The following SLFN5 variants were observed in gnomAD, a reference collection of about 807,000 sequenced individuals.
SLFN5 encodes schlafen family member 5.
Under a neutral mutation model 48.5 loss-of-function variants are expected in SLFN5, and 34 were observed. The observed-to-expected ratio is 0.70, with a 90% CI of 0.53 to 0.93. The LOEUF (loss-of-function observed/expected upper bound fraction) is 0.93, where lower values mean the gene tolerates loss of function less well. SLFN5 is among the 40% of genes least tolerant of loss of function. The probability of loss-of-function intolerance (pLI) is 0.00; values close to 1 mark genes in which losing one functional copy is unlikely to be tolerated. For synonymous variants in SLFN5, 387 were observed against 396.2 expected (o/e 0.98, Z 0.28); for missense variants, 1,006 against 1,071.3 (o/e 0.94, Z 0.85).
chr17:35,261,651 GAGCCACCACGCCA>G (rs1904522643), intron 3 of SLFN5, among the ~76,000 whole-genome samples: 1 of 150,450 alleles, frequency 6.6e-6, no homozygotes, highest in Non-Finnish European at 1.5e-5. Flanking sequence ...TTACAGGCAT[GAGCCACCACGCCA>G]AGCCACCAGT....
At position 35,265,437 on chromosome 17, in the gene SLFN5, T is replaced by A; in HGVS notation, c.2225T>A (p.Leu742Gln). The A allele has an allele frequency of 6.2e-7, 1 of 1,614,234 alleles. No homozygotes were observed. The highest frequency in any genetic ancestry group is 8.5e-7 in the Non-Finnish European group (1 of 1,180,040). The change falls in exon 5 of 5, where the codon CTG (leucine) becomes CAG (glutamine). Residue 742 changes from leucine (L) to glutamine (Q), a missense_variant. Leu to Gln is a moderately radical substitution (Grantham distance 113). Transcript: ENST00000299977. ...NPPPNLPPGS[L>Q]VMLYEPKWAQ... ...CCACCTAACCTCCCCCCTGGGTCCCTGGTGATGCTCTATGAACCTAAATGG... is the reference window on the plus strand; with the variant it reads ...CCACCTAACCTCCCCCCTGGGTCCCAGGTGATGCTCTATGAACCTAAATGG...
At chr17:35,252,014 G>T (rs1014458567) in intron 1 of SLFN5, among the ~76,000 whole-genome samples, 5 of 151,976 alleles carry the variant, frequency 3.3e-5, no homozygotes, top group Admixed American at 6.6e-5. Flanking sequence ...CTCTCAAAAT[G>T]GCCACTTGCT....
rs1376368730 is a variant in SLFN5, at chr17:35,266,192, GCACA to G, written c.*305_*308del. The G allele has an allele frequency of 3.0e-4, 70 of 232,768 alleles. No individual in the cohort carries two copies. Among genetic ancestry groups the G allele is most frequent in the Non-Finnish European group, 4.0e-4 (48 of 119,884 alleles). The allele number at this position is 232,768 out of a possible 1,614,324, so 14.4% of individuals were successfully genotyped here. ...TGTGTGTGTGTGCGCGCGCGCACGTGCACATGTGTGTAGGTAGATGGAGGGGGTG... is the reference window on the plus strand; with the variant it reads ...TGTGTGTGTGTGCGCGCGCGCACGTGTGTGTGTAGGTAGATGGAGGGGGTG... On this transcript the variant is annotated 3_prime_UTR_variant, in exon 5 of 5. Transcript: ENST00000299977.
At chr17:35,260,211 T>G (rs1904480404) in intron 2 of SLFN5, among the ~76,000 whole-genome samples, 1 of 152,206 alleles carries the variant, frequency 6.6e-6, no homozygotes, top group African/African-American at 2.4e-5. Context: ...TTTCCCATTT[T>G]TCCTTTGGGG....
In SLFN5 at chr17:35,273,145, A is replaced by G. The variant is rs1904874944; in HGVS notation, c.*7257A>G. ...AGCCATAAAAAAGAGAGATCTCTAT[A>G]TGTATTGATGGGGGACCATCTTTAA... is the stretch of plus-strand genomic sequence containing the variant. On this transcript the variant is annotated 3_prime_UTR_variant, in exon 5 of 5. Transcript: ENST00000299977. The G allele has an allele frequency of 6.6e-6, 1 of 152,224 alleles. No individual in the cohort carries two copies. Among genetic ancestry groups the G allele is most frequent in the Non-Finnish European group, 1.5e-5 (1 of 68,024 alleles). The allele number at this position is 152,224 out of a possible 1,614,324, so 9.4% of individuals were successfully genotyped here. A position where few individuals can be genotyped will look rare whatever the true frequency, so the allele number is the denominator to read the frequency against.
At chr17:35,252,091 C>T (rs2092443818) in intron 1 of SLFN5, among the ~76,000 whole-genome samples, 1 of 152,108 alleles carries the variant, frequency 6.6e-6, no homozygotes, top group South Asian at 2.1e-4. Flanking sequence ...ATAATATAGA[C>T]AAATTGGTCA....
intron 1 of SLFN5, among the ~76,000 whole-genome samples, chr17:35,247,436 C>T (rs529464373): frequency 6.6e-6 from 1 of 152,302 alleles, no homozygotes; most frequent in African/African-American, 2.4e-5. Context: ...TTGCAGGTTC[C>T]ACCAAGGTAC....
intron 2 of SLFN5, among the ~76,000 whole-genome samples, chr17:35,260,710 CAATA>C (rs908468743): frequency 1.1e-4 from 16 of 152,052 alleles, no homozygotes; most frequent in South Asian, 2.1e-4. Context: ...GAGACTGTTT[CAATA>C]AATAAATAAA....
intron 1 of SLFN5, among the ~76,000 whole-genome samples, chr17:35,247,454 C>T (rs923067914): frequency 6.6e-6 from 1 of 152,092 alleles, no homozygotes; most frequent in Non-Finnish European, 1.5e-5. Context: ...TACCATCTGC[C>T]CACTGTGTGG....
At chr17:35,252,154 G>A (rs2092443944) in intron 1 of SLFN5, among the ~76,000 whole-genome samples, 1 of 152,100 alleles carries the variant, frequency 6.6e-6, no homozygotes, top group African/African-American at 2.4e-5. Flanking sequence ...GAGCGGTGGG[G>A]CATGGTGGCT....
rs1195959085 is a variant in SLFN5 at position 35,266,180 on chromosome 17, G to GCGCGCGCA, written c.*295_*302dup. On this transcript the variant is annotated 3_prime_UTR_variant, in exon 5 of 5. Transcript: ENST00000299977. ...TGTGTGTGTGTGTGTGTGTGTGTGC[G>GCGCGCGCA]CGCGCGCACGTGCACATGTGTGTAG... The GCGCGCGCA allele has an allele frequency of 1.6e-4, 44 of 268,628 alleles. No homozygotes were observed. Among genetic ancestry groups the GCGCGCGCA allele is most frequent in the African/African-American group, 9.3e-4 (42 of 44,952 alleles). 16.6% of individuals were successfully genotyped at this position (268,628 alleles called of 1,614,324 possible). A position where few individuals can be genotyped will look rare whatever the true frequency, so the allele number is the denominator to read the frequency against.
In SLFN5 at chr17:35,273,042, A is replaced by T. The variant is rs1420809624; in HGVS notation, c.*7154A>T. ...TTCACTTTATTCCTAAGAGCAGAAG[A>T]CTGCAAAATAGTAAATATATACCCA... On this transcript the variant is annotated 3_prime_UTR_variant, in exon 5 of 5. Coordinates refer to ENST00000299977, the MANE Select transcript of SLFN5 (RefSeq NM_144975.4). 1 of 152,216 alleles carries T rather than the reference A, an allele frequency of 6.6e-6. No homozygotes were observed. The allele number at this position is 152,216 out of a possible 1,614,324, so 9.4% of individuals were successfully genotyped here. A position where few individuals can be genotyped will look rare whatever the true frequency, so the allele number is the denominator to read the frequency against.
Position 35,266,131 on chromosome 17 carries a change from G to T in SLFN5, c.*243G>T. ...GGGATATCAGTAATTAGAGGACCGT[G>T]AGACTCAGAGATGTGTGTGTGTGTG... On this transcript the variant is annotated 3_prime_UTR_variant, in exon 5 of 5. Transcript: ENST00000299977. The T allele has an allele frequency of 2.1e-6, 1 of 473,130 alleles. No homozygotes were observed. Among genetic ancestry groups the T allele is most frequent in the Non-Finnish European group, 3.8e-6 (1 of 265,454 alleles). 29.3% of individuals were successfully genotyped at this position (473,130 alleles called of 1,614,324 possible). A position where few individuals can be genotyped will look rare whatever the true frequency, so the allele number is the denominator to read the frequency against.
chr17:35,256,850 T>C (rs1904357770), intron 1 of SLFN5, among the ~76,000 whole-genome samples: 1 of 152,158 alleles, frequency 6.6e-6, no homozygotes, highest in Non-Finnish European at 1.5e-5. Context: ...CCCCTGGCCC[T>C]GGACCAGTAC....
Position 35,273,332 on chromosome 17 carries a change from T to A in SLFN5, c.*7444T>A, listed in dbSNP as rs973786565. ...AGGGAAGAACAGATGGGTGCCAGAG[T>A]GAAAAAAAGATAGCTTTTGCTTTTT... On this transcript the variant is annotated 3_prime_UTR_variant, in exon 5 of 5. Transcript: ENST00000299977. 6.6e-6 allele frequency: 1 copy of A among 152,150 alleles called. No homozygotes were observed. Among genetic ancestry groups the A allele is most frequent in the East Asian group, 1.9e-4 (1 of 5,200 alleles). 9.4% of individuals were successfully genotyped at this position (152,150 alleles called of 1,614,324 possible). A position where few individuals can be genotyped will look rare whatever the true frequency, so the allele number is the denominator to read the frequency against.
chr17:35,253,090 A>G (rs9900622), intron 1 of SLFN5, among the ~76,000 whole-genome samples: 6,373 of 152,058 alleles, frequency 0.042, 377 homozygotes, highest in African/African-American at 0.13. Context: ...GTGCTGAGAG[A>G]TTTGGTATCT....
At chr17:35,252,062 C>T (rs2092443779) in intron 1 of SLFN5, among the ~76,000 whole-genome samples, 1 of 152,104 alleles carries the variant, frequency 6.6e-6, no homozygotes, top group Non-Finnish European at 1.5e-5. Flanking sequence ...AGCTAAATTT[C>T]TCCATGAAAT....
chr17:35,247,138 A>G (rs2142683639), intron 1 of SLFN5, among the ~76,000 whole-genome samples: 1 of 152,336 alleles, frequency 6.6e-6, no homozygotes. Context: ...TTTGCTCCTG[A>G]TTCCAATTTA....
At chr17:35,253,458 A>G (rs1303070758) in intron 1 of SLFN5, among the ~76,000 whole-genome samples, 3 of 151,586 alleles carry the variant, frequency 2.0e-5, no homozygotes, top group African/African-American at 7.3e-5. Flanking sequence ...TGCAGCCTCA[A>G]TCCACTGGGC....
Sources: gnomAD v4.1 joint callset for allele counts (sites outside exome capture counted in the v4.1 genomes callset) on GRCh38, gnomAD v4.1.1 for gene constraint, MANE v1.5 for transcripts, NCBI Gene and HGNC (gene_info 2026-07-23, HGNC 2026-07-21) for gene names.